The following FZD6 variants were observed in gnomAD, a reference collection of about 807,000 sequenced individuals.
FZD6 encodes frizzled class receptor 6, also known as frizzled-6.
FZD6 carries 49 observed loss-of-function variants against 61.4 expected under a neutral mutation model. The observed-to-expected ratio is 0.80, with a 90% confidence interval of 0.63 to 1.01. FZD6 has a LOEUF of 1.01. FZD6 is among the 50% of genes least tolerant of loss of function. The pLI, the probability that FZD6 is intolerant of heterozygous loss-of-function variation, is 0.00. For synonymous variants in FZD6, 265 were observed against 292.2 expected (o/e 0.91, Z 0.95); for missense variants, 724 against 848.2 (o/e 0.85, Z 1.82).
intron 2 of FZD6, among the ~76,000 whole-genome samples, chr8:103,303,476 A>G (rs536375156): frequency 3.3e-5 from 5 of 152,196 alleles, no homozygotes; most frequent in Non-Finnish European, 5.9e-5. Flanking sequence ...CAGTGAATCT[A>G]CATGTCTCTA....
In FZD6 at chr8:103,329,277, C is replaced by T. The variant is rs534527589; in HGVS notation, c.1542-378C>T. ...AAAAGACTTATATTTAAATGAAGAC[C>T]GTTAATTATATTCTCTATCCTTTTC... On this transcript the variant is annotated intron_variant, in intron 5 of 6. Coordinates refer to ENST00000358755, the MANE Select transcript of FZD6 (RefSeq NM_003506.4). Among the ~76,000 whole-genome samples, 19 of 150,996 alleles carry T rather than the reference C, an allele frequency of 1.3e-4. No individual in the cohort carries two copies. In the South Asian group the frequency reaches 1.9e-3, roughly 15 times the overall value.
intron 2 of FZD6, among the ~76,000 whole-genome samples, chr8:103,303,257 A>C (rs745792864): frequency 3.3e-5 from 5 of 152,186 alleles, no homozygotes; most frequent in African/African-American, 1.2e-4. Flanking sequence ...ATTACTGTCC[A>C]TCACCTCTGT....
intron 2 of FZD6, among the ~76,000 whole-genome samples, chr8:103,308,569 C>T (rs1814405727): frequency 6.6e-6 from 1 of 152,072 alleles, no homozygotes; most frequent in Non-Finnish European, 1.5e-5. Context: ...GTAAGCCAGG[C>T]TGTAATTGTT....
chr8:103,307,722 T>G (rs1355764079), intron 2 of FZD6: 23 of 454,064 alleles, frequency 5.1e-5, no homozygotes, highest in Admixed American at 4.5e-4. Flanking sequence ...AAGGTGTGTT[T>G]TTTTTTTTTC....
chr8:103,321,074 G>A (rs1339682317), intron 3 of FZD6, among the ~76,000 whole-genome samples: 1 of 152,124 alleles, frequency 6.6e-6, no homozygotes, highest in Non-Finnish European at 1.5e-5. Flanking sequence ...TTCATTATGA[G>A]ATTGCCTACT....
chr8:103,328,156 T>G (rs1815006976), intron 4 of FZD6, 112 bp from the exon 5 acceptor site: 1 of 801,208 alleles, frequency 1.2e-6, no homozygotes, highest in African/African-American at 1.7e-5. Flanking sequence ...TCAAACCTTT[T>G]TAGTAAAACA....
chr8:103,303,525 T>C (rs557468781), intron 2 of FZD6, among the ~76,000 whole-genome samples: 9 of 152,324 alleles, frequency 5.9e-5, no homozygotes, highest in African/African-American at 2.2e-4. Context: ...GTGTTTTTTT[T>C]TCATCTGTAT....
intron 2 of FZD6, among the ~76,000 whole-genome samples, chr8:103,310,668 A>G (rs1814470491): frequency 6.6e-6 from 1 of 152,000 alleles, no homozygotes; most frequent in Non-Finnish European, 1.5e-5. Context: ...CTACCCTACA[A>G]TCTGATAACT....
intron 2 of FZD6, among the ~76,000 whole-genome samples, chr8:103,310,211 T>A (rs1031643773): frequency 6.6e-6 from 1 of 152,198 alleles, no homozygotes; most frequent in Admixed American, 6.5e-5. Context: ...CACCTGCAGA[T>A]CAAACTGTGC....
chr8:103,302,074 T>C (rs1263773195), intron 2 of FZD6, among the ~76,000 whole-genome samples: 3 of 152,044 alleles, frequency 2.0e-5, no homozygotes, highest in Non-Finnish European at 4.4e-5. Flanking sequence ...TCAGTAAATT[T>C]AAGGATACAA....
At chr8:103,320,285 G>A (rs990861763) in intron 3 of FZD6, among the ~76,000 whole-genome samples, 1 of 152,134 alleles carries the variant, frequency 6.6e-6, no homozygotes, top group Non-Finnish European at 1.5e-5. Context: ...GAGAGGCTTC[G>A]TAACATTTTA....
Position 103,314,690 on chromosome 8 carries a change from G to A in FZD6, c.178-3900G>A, listed in dbSNP as rs1051859772. Among the ~76,000 whole-genome samples the A allele has an allele frequency of 2.0e-5, 3 of 152,156 alleles. No individual in the cohort carries two copies. In the South Asian group the frequency reaches 6.2e-4, roughly 32 times the overall value. ...AGCTATTGTCCTCTAATTGTTGGGT[G>A]TGGGTTCTGTATATGCCCTTTAAGT... On this transcript the variant is annotated intron_variant, in intron 2 of 6. Transcript: ENST00000358755.
chr8:103,329,223 G>GTAAC (rs1489900927), intron 5 of FZD6, among the ~76,000 whole-genome samples: 1 of 150,898 alleles, frequency 6.6e-6, no homozygotes, highest in African/African-American at 2.4e-5. Flanking sequence ...TAATTTCAGT[G>GTAAC]TAACTTGCTA....
intron 3 of FZD6, among the ~76,000 whole-genome samples, chr8:103,321,922 T>C (rs1435388645): frequency 6.6e-6 from 1 of 152,200 alleles, no homozygotes; most frequent in Non-Finnish European, 1.5e-5. Context: ...TCTGTTATAC[T>C]TCTTTCCTTA....
rs1296713082 is a variant in FZD6 at position 103,325,112 on chromosome 8, G to C, written c.1006G>C (p.Gly336Arg). ...TCATGCTGTTGCATGGGGAACACCA[G>C]GTTTCCTGACTGTTATGCTTCTTGC... is the stretch of plus-strand genomic sequence containing the variant. ...WFHAVAWGTP[G>R]FLTVMLLAMN... Residue 336 changes from glycine (G) to arginine (R), a missense_variant, in exon 4 of 7, where the codon GGT becomes CGT. Coordinates refer to ENST00000358755, the MANE Select transcript of FZD6 (RefSeq NM_003506.4). The C allele has an allele frequency of 1.2e-6, 2 of 1,614,182 alleles. No homozygotes were observed. Among genetic ancestry groups the C allele is most frequent in the Non-Finnish European group, 1.7e-6 (2 of 1,180,034 alleles).
At chr8:103,300,368 CAG>C (rs1447075638) in intron 2 of FZD6, 84 bp downstream of exon 2, 1 of 1,009,324 alleles carries the variant, frequency 9.9e-7, no homozygotes, top group Non-Finnish European at 1.6e-6. Context: ...TATTTTTAAA[CAG>C]AGCCGATTTC....
intron 2 of FZD6, among the ~76,000 whole-genome samples, chr8:103,314,992 G>A (rs1349353679): frequency 6.6e-6 from 1 of 152,180 alleles, no homozygotes; most frequent in Non-Finnish European, 1.5e-5. Flanking sequence ...CCATACTGAT[G>A]AAAGAAGTTG....
rs746074508 is a variant in FZD6, at chr8:103,324,696, T to C, written c.590T>C (p.Phe197Ser). ...NMYFKSDELE[F>S]AKSFIGTVSI... ...TATTTTAAAAGTGATGAGCTAGAGTTTGCAAAAAGTTTTATTGGAACAGTT... is the reference window on the plus strand; with the variant it reads ...TATTTTAAAAGTGATGAGCTAGAGTCTGCAAAAAGTTTTATTGGAACAGTT... Residue 197 changes from phenylalanine to serine, a missense_variant, in exon 4 of 7, where the codon TTT becomes TCT. Coordinates refer to ENST00000358755, the MANE Select transcript of FZD6 (RefSeq NM_003506.4). 3 of 1,614,090 alleles carry C rather than the reference T, an allele frequency of 1.9e-6. No individual in the cohort carries two copies. The highest frequency in any genetic ancestry group is 4.5e-5 in the East Asian group (2 of 44,882).
At position 103,325,438 on chromosome 8, in the gene FZD6, C is replaced by G. The variant is rs1814925193; in HGVS notation, c.1332C>G (p.Thr444=). The G allele has an allele frequency of 6.2e-7, 1 of 1,613,544 alleles. No individual in the cohort carries two copies. The highest frequency in any genetic ancestry group is 1.7e-5 in the Admixed American group (1 of 59,988). ...CYVYEQVNRI[T]WEITWVSDHC... is the part of the protein sequence containing the mutation. ...TCTATGAGCAAGTGAACAGGATTAC[C>G]TGGGAGATAACTTGGGTCTCTGATC... Residue 444 remains threonine (T), a synonymous_variant, in exon 4 of 7, where the codon ACC becomes ACG. Coordinates refer to ENST00000358755, the MANE Select transcript of FZD6 (RefSeq NM_003506.4).
Sources: allele counts gnomAD v4.1 joint callset (sites outside exome capture counted in the v4.1 genomes callset), GRCh38; gene constraint gnomAD v4.1.1; transcripts MANE v1.5; gene names NCBI Gene and HGNC (gene_info 2026-07-23, HGNC 2026-07-21).